Variants in WDFY3 observed in about 807,000 individuals in gnomAD.
The protein encoded by WDFY3 is WD repeat and FYVE domain containing 3, also known as WD repeat and FYVE domain-containing protein 3.
Under a neutral mutation model 409.6 loss-of-function variants are expected in WDFY3, and 66 were observed. The observed-to-expected ratio is 0.16, with a 90% CI of 0.13 to 0.20. The LOEUF is 0.20. Ranked by LOEUF, WDFY3 falls within the 10% of genes least tolerant of loss-of-function variation. WDFY3 has a pLI of 1.00. For synonymous variants in WDFY3, 1,521 were observed against 1,537.1 expected (o/e 0.99, Z 0.25); for missense variants, 3,031 against 4,298.1 (o/e 0.71, Z 8.24).
rs577950783 is a variant in WDFY3 at position 84,960,046 on chromosome 4, T to C, written c.-226+6163A>G. Among the ~76,000 whole-genome samples the C allele has an allele frequency of 1.2e-3, 178 of 152,292 alleles. 3 individuals carry two copies. The highest frequency in any genetic ancestry group is 4.0e-3 in the African/African-American group (167 of 41,550). On this transcript the variant is annotated intron_variant, in intron 1 of 67. Transcript: ENST00000295888. ...ACTACCAAAAAATACCTCAATAGTA[T>C]AGTAAATGTTTGTTTTTTTGGTTTT... is the stretch of plus-strand genomic sequence containing the variant.
At chr4:84,700,292 C>G (rs1427669109) in intron 56 of WDFY3, among the ~76,000 whole-genome samples, 1 of 152,196 alleles carries the variant, frequency 6.6e-6, no homozygotes, top group African/African-American at 2.4e-5. Context: ...GCAGCCTCAA[C>G]TCCTGGGGTA....
intron 27 of WDFY3, among the ~76,000 whole-genome samples, chr4:84,775,926 C>T (rs571309151): frequency 2.0e-5 from 3 of 151,928 alleles, no homozygotes; most frequent in African/African-American, 7.2e-5. Flanking sequence ...ACAGAATTCA[C>T]TGCCAATATT....
intron 32 of WDFY3, among the ~76,000 whole-genome samples, chr4:84,762,762 G>A (rs1742898965): frequency 6.6e-6 from 1 of 152,002 alleles, no homozygotes; most frequent in South Asian, 2.1e-4. Flanking sequence ...AATTAGAATG[G>A]CTTAATTAGG....
intron 37 of WDFY3, among the ~76,000 whole-genome samples, chr4:84,743,299 T>C (rs901702606): frequency 6.6e-6 from 1 of 152,220 alleles, no homozygotes; most frequent in Non-Finnish European, 1.5e-5. Context: ...TTTGACTCTA[T>C]GTCCTGGAAG....
At chr4:84,897,679 GGT>G (rs1251828174) in intron 2 of WDFY3, among the ~76,000 whole-genome samples, 3 of 152,142 alleles carry the variant, frequency 2.0e-5, no homozygotes, top group African/African-American at 7.2e-5. Context: ...CTTGGGCAAA[GGT>G]GGCTCTAAAT....
chr4:84,689,366 AG>A (rs1175138254), intron 61 of WDFY3, among the ~76,000 whole-genome samples: 1 of 152,252 alleles, frequency 6.6e-6, no homozygotes, highest in Non-Finnish European at 1.5e-5. Flanking sequence ...TATTTTAAGC[AG>A]GAAGTCCTTT....
At position 84,800,988 on chromosome 4, in the gene WDFY3, G is replaced by A. The variant is rs1172530979; in HGVS notation, c.2822+662C>T. 5.9e-5 allele frequency among the ~76,000 whole-genome samples: 9 copies of A among 152,076 alleles called. 1 individual carries two copies. The highest frequency in any genetic ancestry group is 5.2e-4 in the Admixed American group (8 of 15,272). On this transcript the variant is annotated intron_variant, in intron 17 of 67. Coordinates refer to ENST00000295888, the MANE Select transcript of WDFY3 (RefSeq NM_014991.6). ...GGGGTTTGAGACCCCTGCTCATAAC[G>A]ACAAAACTATGGAGATGGAGAACAG... is the stretch of plus-strand genomic sequence containing the variant.
intron 17 of WDFY3, among the ~76,000 whole-genome samples, chr4:84,798,677 C>A (rs1315707757): frequency 6.6e-6 from 1 of 152,126 alleles, no homozygotes; most frequent in South Asian, 2.1e-4. Context: ...GCTATTTCTA[C>A]TCATAAAAAT....
chr4:84,706,946 T>A (rs996607447), intron 53 of WDFY3, among the ~76,000 whole-genome samples: 1 of 150,846 alleles, frequency 6.6e-6, no homozygotes, highest in Non-Finnish European at 1.5e-5. Flanking sequence ...TTCTTTTTTT[T>A]TTTTTTTTTT....
At chr4:84,726,779 C>T (rs1328801254) in intron 45 of WDFY3, 82 bp downstream of exon 45, 2 of 1,225,438 alleles carry the variant, frequency 1.6e-6, no homozygotes, top group African/African-American at 3.1e-5. Flanking sequence ...GTCTAGTCTA[C>T]CATGCACTTA....
rs932315255 is a variant in WDFY3, at chr4:84,740,086, G to A, written c.6464+101C>T. 133 of 1,173,252 alleles carry A rather than the reference G, an allele frequency of 1.1e-4. No individual in the cohort carries two copies. In the Admixed American group the frequency reaches 1.4e-3, roughly 12 times the overall value. The allele number at this position is 1,173,252 out of a possible 1,614,324, so 72.7% of individuals were successfully genotyped here. A position where few individuals can be genotyped will look rare whatever the true frequency, so the allele number is the denominator to read the frequency against. On this transcript the variant is annotated intron_variant, in intron 39 of 67. Coordinates refer to ENST00000295888, the MANE Select transcript of WDFY3 (RefSeq NM_014991.6). Reference sequence around the variant, plus strand: ...TACATAAAGGTTTAAATAAAACAGAGTAAGGGTAAAAGAAATGTTACTATC... The same window carrying A: ...TACATAAAGGTTTAAATAAAACAGAATAAGGGTAAAAGAAATGTTACTATC...
At chr4:84,767,482 T>C (rs953807292) in intron 30 of WDFY3, among the ~76,000 whole-genome samples, 7 of 152,088 alleles carry the variant, frequency 4.6e-5, no homozygotes, top group African/African-American at 1.7e-4. Flanking sequence ...AAGAAATGAT[T>C]AAGTTCAGAG....
At chr4:84,782,729 G>C (rs762175167) in intron 25 of WDFY3, among the ~76,000 whole-genome samples, 1 of 152,054 alleles carries the variant, frequency 6.6e-6, no homozygotes, top group African/African-American at 2.4e-5. Flanking sequence ...CCTTTTTATG[G>C]CTGTATAGTA....
intron 1 of WDFY3, among the ~76,000 whole-genome samples, chr4:84,938,359 A>G (rs1561118983): frequency 6.6e-6 from 1 of 152,226 alleles, no homozygotes; most frequent in Non-Finnish European, 1.5e-5. Flanking sequence ...ATTGATAATG[A>G]TGATAACCTC....
At chr4:84,949,013 C>A (rs1025946928) in intron 1 of WDFY3, among the ~76,000 whole-genome samples, 2 of 152,102 alleles carry the variant, frequency 1.3e-5, no homozygotes, top group Non-Finnish European at 2.9e-5. Flanking sequence ...TGGCTGTTTA[C>A]CCCTGGCACG....
chr4:84,950,303 G>A (rs1470070177), intron 1 of WDFY3, among the ~76,000 whole-genome samples: 1 of 151,618 alleles, frequency 6.6e-6, no homozygotes, highest in African/African-American at 2.4e-5. Flanking sequence ...ATGCATGAGG[G>A]GTTTAAAACC....
At chr4:84,875,283 C>T (rs1046345174) in intron 3 of WDFY3, among the ~76,000 whole-genome samples, 7 of 151,478 alleles carry the variant, frequency 4.6e-5, no homozygotes, top group African/African-American at 1.7e-4. Context: ...CACACACACA[C>T]ACACACACAC....
intron 3 of WDFY3, among the ~76,000 whole-genome samples, chr4:84,867,395 T>C (rs1334958922): frequency 6.6e-6 from 1 of 152,196 alleles, no homozygotes; most frequent in East Asian, 1.9e-4. Context: ...CACAGAAGAA[T>C]GTTTTCGCTT....
chr4:84,754,349 A>G (rs1018957046), intron 34 of WDFY3, among the ~76,000 whole-genome samples: 1 of 152,200 alleles, frequency 6.6e-6, no homozygotes, highest in South Asian at 2.1e-4. Context: ...TATTTGAACA[A>G]TGTATATCTT....
Sources: allele counts gnomAD v4.1 joint callset (sites outside exome capture counted in the v4.1 genomes callset), GRCh38; gene constraint gnomAD v4.1.1; transcripts MANE v1.5; gene names NCBI Gene and HGNC (gene_info 2026-07-23, HGNC 2026-07-21).